The following FOXN3 variants were observed in gnomAD, a reference collection of about 807,000 sequenced individuals.
FOXN3 encodes the protein forkhead box N3, also known as forkhead box protein N3.
FOXN3 carries 7 observed loss-of-function variants against 38.4 expected under a neutral mutation model. That is an observed-to-expected ratio of 0.18 (90% confidence interval 0.10 to 0.34). The LOEUF is 0.34. Ranked by LOEUF, FOXN3 falls within the 10% of genes least tolerant of loss-of-function variation. The pLI is 1.00. For missense variants in FOXN3, 456 were observed against 613.4 expected (o/e 0.74, Z 2.71); for synonymous variants, 230 against 242.2 (o/e 0.95, Z 0.47).
At chr14:89,197,470 C>T (rs975796936) in intron 4 of FOXN3, among the ~76,000 whole-genome samples, 1 of 151,070 alleles carries the variant, frequency 6.6e-6, no homozygotes, top group Non-Finnish European at 1.5e-5. Context: ...GGTGCCACTG[C>T]ACTCCAGCCT....
intron 1 of FOXN3, among the ~76,000 whole-genome samples, chr14:89,597,561 C>T (rs1896082177): frequency 6.6e-6 from 1 of 152,058 alleles, no homozygotes; most frequent in African/African-American, 2.4e-5. Context: ...TTTAAAATTT[C>T]TAACTATATA....
chr14:89,380,061 T>C (rs978799255), intron 2 of FOXN3, among the ~76,000 whole-genome samples: 12 of 152,188 alleles, frequency 7.9e-5, no homozygotes, highest in Non-Finnish European at 1.2e-4. Context: ...TCTGATATGA[T>C]TTAGCTGCGT....
At chr14:89,544,091 T>A (rs1894840113) in intron 1 of FOXN3, among the ~76,000 whole-genome samples, 1 of 152,058 alleles carries the variant, frequency 6.6e-6, no homozygotes, top group Non-Finnish European at 1.5e-5. Flanking sequence ...TTTAAGAGAT[T>A]GCTTTTTTTT....
chr14:89,404,247 C>T (rs1003503246), intron 2 of FOXN3, among the ~76,000 whole-genome samples: 17 of 151,642 alleles, frequency 1.1e-4, no homozygotes, highest in African/African-American at 3.4e-4. Flanking sequence ...CGGTGGCTCA[C>T]GGCTGTAATC....
At chr14:89,405,691 C>T (rs75401698) in intron 2 of FOXN3, among the ~76,000 whole-genome samples, 2,267 of 152,138 alleles carry the variant, frequency 0.015, 40 homozygotes, top group African/African-American at 0.052. Flanking sequence ...ACAATTGAGC[C>T]CCATCTCAAC....
intron 4 of FOXN3, among the ~76,000 whole-genome samples, chr14:89,236,137 G>A (rs368887811): frequency 6.6e-6 from 1 of 152,204 alleles, no homozygotes; most frequent in African/African-American, 2.4e-5. Context: ...CTCAGCTAAG[G>A]AGAAGCACAT....
At chr14:89,279,554 T>G (rs771675847) in intron 4 of FOXN3, among the ~76,000 whole-genome samples, 1 of 152,174 alleles carries the variant, frequency 6.6e-6, no homozygotes, top group Non-Finnish European at 1.5e-5. Context: ...ACTTTGAAAC[T>G]CACTTGAAAA....
intron 1 of FOXN3, among the ~76,000 whole-genome samples, chr14:89,604,049 C>T (rs534819366): frequency 1.3e-5 from 2 of 152,314 alleles, no homozygotes; most frequent in East Asian, 1.9e-4. Context: ...GTCCCCAAAA[C>T]CTCAAGTTGA....
intron 3 of FOXN3, among the ~76,000 whole-genome samples, chr14:89,325,296 C>CG (rs1299500433): frequency 2.8e-5 from 4 of 141,024 alleles, no homozygotes; most frequent in African/African-American, 1.0e-4. Context: ...ACACCACCAA[C>CG]ACCAACACCA....
In FOXN3 at chr14:89,596,404, T is replaced by C. The variant is rs142655976; in HGVS notation, c.-15+22624A>G. Among the ~76,000 whole-genome samples, 84 of 152,344 alleles carry C rather than the reference T, an allele frequency of 5.5e-4. 1 individual carries two copies. The East Asian group carries it at 0.012, about 22-fold the overall frequency. On this transcript the variant is annotated intron_variant, in intron 1 of 6. Transcript: ENST00000345097. ...CTCCCACCTCAGCCTCCCAAAGTGCTGGGATTACAGGCGTGAGACACTGTG... is the reference window on the plus strand; with the variant it reads ...CTCCCACCTCAGCCTCCCAAAGTGCCGGGATTACAGGCGTGAGACACTGTG...
intron 3 of FOXN3, 107 bp downstream of exon 3, chr14:89,350,565 A>T: frequency 1.1e-6 from 1 of 941,598 alleles, no homozygotes. Context: ...ATTTACCTGC[A>T]GTTATTTTTA....
intron 1 of FOXN3, among the ~76,000 whole-genome samples, chr14:89,523,394 G>A (rs1182426948): frequency 6.6e-6 from 1 of 152,164 alleles, no homozygotes; most frequent in Non-Finnish European, 1.5e-5. Flanking sequence ...AACAACAGAA[G>A]ACTACATATT....
At chr14:89,397,727 G>A (rs1195262062) in intron 2 of FOXN3, among the ~76,000 whole-genome samples, 2 of 152,166 alleles carry the variant, frequency 1.3e-5, no homozygotes, top group Non-Finnish European at 2.9e-5. Context: ...GTCAGACCTT[G>A]GCTAAAAATA....
chr14:89,295,365 A>G (rs1437514119), intron 3 of FOXN3, among the ~76,000 whole-genome samples: 1 of 152,162 alleles, frequency 6.6e-6, no homozygotes, highest in Non-Finnish European at 1.5e-5. Context: ...GTGTCTTCCC[A>G]TTCTAACGCC....
intron 3 of FOXN3, among the ~76,000 whole-genome samples, chr14:89,321,210 G>A (rs1339437664): frequency 6.6e-6 from 1 of 152,096 alleles, no homozygotes; most frequent in Admixed American, 6.6e-5. Context: ...AGAATCGCTT[G>A]AACCTGGGAG....
chr14:89,322,245 T>G (rs1887918036), intron 3 of FOXN3, among the ~76,000 whole-genome samples: 1 of 152,228 alleles, frequency 6.6e-6, no homozygotes, highest in South Asian at 2.1e-4. Flanking sequence ...CAGTAAGATC[T>G]CGTAGTGCCA....
At chr14:89,598,542 C>T (rs557276014) in intron 1 of FOXN3, among the ~76,000 whole-genome samples, 135 of 152,316 alleles carry the variant, frequency 8.9e-4, no homozygotes, top group Non-Finnish European at 1.6e-3. Context: ...ACGTCAGCCT[C>T]CCAACATGCT....
chr14:89,389,926 A>C (rs1890890775), intron 2 of FOXN3, among the ~76,000 whole-genome samples: 1 of 152,130 alleles, frequency 6.6e-6, no homozygotes. Flanking sequence ...TATAAACAAA[A>C]AAAAAAATTC....
intron 1 of FOXN3, among the ~76,000 whole-genome samples, chr14:89,483,275 G>A (rs1381251283): frequency 6.6e-6 from 1 of 152,196 alleles, no homozygotes; most frequent in Non-Finnish European, 1.5e-5. Flanking sequence ...AGGAAGCCAT[G>A]TTTTGAGATG....
Sources: allele counts gnomAD v4.1 joint callset (sites outside exome capture counted in the v4.1 genomes callset), GRCh38; gene constraint gnomAD v4.1.1; transcripts MANE v1.5; gene names NCBI Gene and HGNC (gene_info 2026-07-23, HGNC 2026-07-21).